The following CYB5B variants were observed in gnomAD, a reference collection of about 807,000 sequenced individuals.
CYB5B encodes cytochrome b5 type B.
In CYB5B, 14 loss-of-function variants were observed where a neutral mutation model predicts 21.3. The ratio of observed to expected loss-of-function variants is 0.66; its 90% CI spans 0.43 to 1.03. CYB5B has a LOEUF of 1.03. Ranked by LOEUF, CYB5B falls within the 50% of genes least tolerant of loss-of-function variation. The pLI, the probability that CYB5B is intolerant of heterozygous loss-of-function variation, is 0.00. For synonymous variants in CYB5B, 69 were observed against 68.4 expected (o/e 1.01, Z -0.04); for missense variants, 166 against 185.1 (o/e 0.90, Z 0.60).
At position 69,463,714 on chromosome 16, in the gene CYB5B, G is replaced by A. The variant is rs916060520; in HGVS notation, c.*1194G>A. The A allele has an allele frequency of 7.2e-5, 11 of 152,092 alleles. No individual in the cohort carries two copies. Among genetic ancestry groups the A allele is most frequent in the South Asian group, 2.1e-4 (1 of 4,828 alleles). The allele number at this position is 152,092 out of a possible 1,614,324, so 9.4% of individuals were successfully genotyped here. A position where few individuals can be genotyped will look rare whatever the true frequency, so the allele number is the denominator to read the frequency against. ...AAGTGAGAGTTCATGACAACAGACC[G>A]TTTTCCATTTCATCTGTATTTTATC... On this transcript the variant is annotated 3_prime_UTR_variant, in exon 5 of 5. Coordinates refer to ENST00000307892, the MANE Select transcript of CYB5B (RefSeq NM_030579.3).
chr16:69,435,049 T>C (rs2014746088), intron 1 of CYB5B, among the ~76,000 whole-genome samples: 1 of 152,158 alleles, frequency 6.6e-6, no homozygotes, highest in African/African-American at 2.4e-5. Flanking sequence ...TATTTTTGAC[T>C]TGAAAGCATT....
chr16:69,449,483 G>A (rs755750078), intron 3 of CYB5B: 1 of 152,286 alleles, frequency 6.6e-6, no homozygotes, highest in Non-Finnish European at 1.5e-5. Context: ...CAGCAACTAT[G>A]AGAGCATCTT....
intron 1 of CYB5B, among the ~76,000 whole-genome samples, chr16:69,434,862 CA>C (rs569014074): frequency 0.19 from 21,737 of 116,340 alleles, 1,612 homozygotes; most frequent in Middle Eastern, 0.27. Flanking sequence ...GACTTCATCT[CA>C]AAAAAAAAAA....
rs540150870 is a variant in CYB5B, at chr16:69,453,875, T to G, written c.334-5218T>G. On this transcript the variant is annotated intron_variant, in intron 3 of 4. Coordinates refer to ENST00000307892, the MANE Select transcript of CYB5B (RefSeq NM_030579.3). Reference sequence around the variant, plus strand: ...GCTACTGCACCTGGCTTATTTCCCATTTTCATATACACTTATATTTTGTAA... The same window carrying G: ...GCTACTGCACCTGGCTTATTTCCCAGTTTCATATACACTTATATTTTGTAA... 5.4e-4 allele frequency among the ~76,000 whole-genome samples: 82 copies of G among 152,296 alleles called. 1 individual carries two copies. In the East Asian group the frequency reaches 0.015, roughly 27 times the overall value.
At chr16:69,430,150 A>C (rs2014690493) in intron 1 of CYB5B, among the ~76,000 whole-genome samples, 1 of 152,168 alleles carries the variant, frequency 6.6e-6, no homozygotes, top group Non-Finnish European at 1.5e-5. Context: ...TTGATAGAAA[A>C]TATCAAAGTG....
intron 3 of CYB5B, among the ~76,000 whole-genome samples, chr16:69,451,473 G>A (rs2142823010): frequency 6.6e-6 from 1 of 152,150 alleles, no homozygotes; most frequent in Admixed American, 6.5e-5. Context: ...CTAAAAAAGT[G>A]GGCACCATTT....
intron 4 of CYB5B, among the ~76,000 whole-genome samples, chr16:69,461,943 T>C (rs1003549613): frequency 6.6e-6 from 1 of 152,244 alleles, no homozygotes; most frequent in Non-Finnish European, 1.5e-5. Flanking sequence ...TTAAAATACA[T>C]ATGAAGCAGA....
At chr16:69,460,715 T>C (rs1234897626) in intron 4 of CYB5B, among the ~76,000 whole-genome samples, 2 of 152,158 alleles carry the variant, frequency 1.3e-5, no homozygotes, top group Non-Finnish European at 2.9e-5. Context: ...CAGAAATATA[T>C]GCAAGAATGT....
chr16:69,440,530 A>G (rs989406154), intron 1 of CYB5B, among the ~76,000 whole-genome samples: 3 of 152,170 alleles, frequency 2.0e-5, no homozygotes, highest in Non-Finnish European at 4.4e-5. Flanking sequence ...ATAAATGGAA[A>G]TTTCACAGTA....
chr16:69,460,777 T>C (rs2015027811), intron 4 of CYB5B, among the ~76,000 whole-genome samples: 1 of 152,132 alleles, frequency 6.6e-6, no homozygotes, highest in African/African-American at 2.4e-5. Context: ...CCCTAATAAA[T>C]TGTGGTATAT....
chr16:69,442,653 C>T (rs550857614), intron 1 of CYB5B, among the ~76,000 whole-genome samples: 43 of 151,934 alleles, frequency 2.8e-4, no homozygotes, highest in African/African-American at 1.0e-3. Flanking sequence ...GTAGCCAGGA[C>T]TACAGGCCAC....
At chr16:69,429,122 G>A (rs1459099648) in intron 1 of CYB5B, among the ~76,000 whole-genome samples, 1 of 152,182 alleles carries the variant, frequency 6.6e-6, no homozygotes, top group Non-Finnish European at 1.5e-5. Flanking sequence ...TGTGTCTGGA[G>A]TTGGTTCCTT....
intron 1 of CYB5B, among the ~76,000 whole-genome samples, chr16:69,437,081 G>C (rs752014997): frequency 1.8e-4 from 28 of 152,196 alleles, no homozygotes; most frequent in Non-Finnish European, 3.8e-4. Context: ...TTTTTCACAA[G>C]AGGACATTAC....
intron 1 of CYB5B, among the ~76,000 whole-genome samples, chr16:69,433,670 G>A (rs1000804520): frequency 6.6e-6 from 1 of 152,138 alleles, no homozygotes; most frequent in Non-Finnish European, 1.5e-5. Flanking sequence ...GAAATCAAAT[G>A]TAGGGACAAT....
Position 69,447,275 on chromosome 16 carries a change from T to C in CYB5B, c.300T>C (p.His100=). The C allele has an allele frequency of 6.2e-7, 1 of 1,613,456 alleles. No individual in the cohort carries two copies. The highest frequency in any genetic ancestry group is 8.5e-7 in the Non-Finnish European group (1 of 1,179,848). Residue 100 remains histidine (H), a synonymous_variant, in exon 2 of 5, where the codon CAT becomes CAC. Transcript: ENST00000307892. The stretch of plus-strand genomic sequence containing the variant: ...AGCAGTACTACATTGGTGATATCCA[T>C]CCGGTAAGAACTATCAGAGATGGGA... ...MLKQYYIGDI[H]PSDLKPESGS...
intron 4 of CYB5B, among the ~76,000 whole-genome samples, chr16:69,461,151 G>A (rs1466256995): frequency 6.6e-6 from 1 of 151,278 alleles, no homozygotes; most frequent in Non-Finnish European, 1.5e-5. Flanking sequence ...CTTGCAGTGA[G>A]CCAAGATCGC....
At position 69,447,161 on chromosome 16, in the gene CYB5B, A is replaced by C. The variant is rs1235751315; in HGVS notation, c.186A>C (p.Gly62=). ...TCTTTTCCTTGTAGCACCCTGGAGGAGAAGAGGTTCTGCTGGAACAAGCTG... is the reference window on the plus strand; with the variant it reads ...TCTTTTCCTTGTAGCACCCTGGAGGCGAAGAGGTTCTGCTGGAACAAGCTG... The part of the protein sequence containing the change: ...VTRFLNEHPG[G]EEVLLEQAGV... The change falls in exon 2 of 5, where the codon GGA becomes GGC. Residue 62 remains glycine, a synonymous_variant. Coordinates refer to ENST00000307892, the MANE Select transcript of CYB5B (RefSeq NM_030579.3). 6.2e-7 allele frequency: 1 copy of C among 1,613,872 alleles called. No homozygotes were observed. Among genetic ancestry groups the C allele is most frequent in the East Asian group, 2.2e-5 (1 of 44,898 alleles).
intron 3 of CYB5B, among the ~76,000 whole-genome samples, chr16:69,457,993 A>G: frequency 6.6e-6 from 1 of 152,156 alleles, no homozygotes; most frequent in East Asian, 1.9e-4. Flanking sequence ...TTTTGCAAAG[A>G]TGGTATTTTG....
intron 3 of CYB5B, among the ~76,000 whole-genome samples, chr16:69,451,272 A>G (rs1256712975): frequency 6.6e-6 from 1 of 152,112 alleles, no homozygotes; most frequent in Non-Finnish European, 1.5e-5. Context: ...ACGGAAACTC[A>G]CCTTAGAAAC....
Sources: gnomAD v4.1 joint callset for allele counts (sites outside exome capture counted in the v4.1 genomes callset) on GRCh38, gnomAD v4.1.1 for gene constraint, MANE v1.5 for transcripts, NCBI Gene and HGNC (gene_info 2026-07-23, HGNC 2026-07-21) for gene names.